The following LEPR variants were observed in gnomAD, a reference collection of about 807,000 sequenced individuals.
LEPR encodes OB receptor.
In LEPR, 56 loss-of-function variants were observed where a neutral mutation model predicts 114.7. That is an observed-to-expected ratio of 0.49 (90% confidence interval 0.39 to 0.61). The LOEUF is 0.61. Ranked by LOEUF, LEPR falls within the 20% of genes least tolerant of loss-of-function variation. LEPR has a pLI of 0.00. For synonymous variants in LEPR, 443 were observed against 461.4 expected, an observed-to-expected ratio of 0.96 and a Z score of 0.51; for missense variants, 1,202 against 1,352.9, an observed-to-expected ratio of 0.89 and a Z score of 1.75.
At chr1:65,432,724 AT>A (rs771686222) in intron 2 of LEPR, 205 of 779,676 alleles carry the variant, frequency 2.6e-4, no homozygotes, top group East Asian at 3.8e-4. Flanking sequence ...AATAAGTGTG[AT>A]TTTTTTTTAA....
intron 2 of LEPR, chr1:65,432,885 A>G (rs1243220909): frequency 1.2e-6 from 1 of 869,038 alleles, no homozygotes; most frequent in Non-Finnish European, 1.4e-6. Flanking sequence ...ATATTCAAAA[A>G]TCATAAAACC....
chr1:65,570,056 T>A (rs3790432), intron 3 of LEPR, among the ~76,000 whole-genome samples: 32,675 of 152,170 alleles, frequency 0.21, 3,793 homozygotes, highest in South Asian at 0.29. Flanking sequence ...CTTTAATGTT[T>A]GTTTATATAA....
At chr1:65,548,231 T>A (rs1651941840) in intron 2 of LEPR, among the ~76,000 whole-genome samples, 1 of 152,156 alleles carries the variant, frequency 6.6e-6, no homozygotes, top group South Asian at 2.1e-4. Flanking sequence ...CTTCCAACCA[T>A]GTGGTCAATT....
chr1:65,637,281 A>G lies in LEPR; in HGVS notation c.*266A>G. 2.9e-6 allele frequency: 1 copy of G among 349,502 alleles called. No individual in the cohort carries two copies. The highest frequency in any genetic ancestry group is 4.1e-5 in the Admixed American group (1 of 24,124). 21.7% of individuals were successfully genotyped at this position (349,502 alleles called of 1,614,324 possible). ...CTTGTTTCCAGCTAGAAATAAGCCCAACAGACACCATCTTTTGTGAGATGT... is the reference window on the plus strand; with the variant it reads ...CTTGTTTCCAGCTAGAAATAAGCCCGACAGACACCATCTTTTGTGAGATGT... On this transcript the variant is annotated 3_prime_UTR_variant, in exon 20 of 20. Coordinates refer to ENST00000349533, the MANE Select transcript of LEPR (RefSeq NM_002303.6).
intron 19 of LEPR, chr1:65,634,861 A>G (rs1658659537): frequency 1.1e-6 from 1 of 873,744 alleles, no homozygotes; most frequent in South Asian, 5.3e-5. Flanking sequence ...AATGTATAAA[A>G]CCATAGATTT....
chr1:65,591,001 A>G lies in LEPR; in HGVS notation c.495-1656A>G, dbSNP rs548736185. Among the ~76,000 whole-genome samples, 14 of 152,110 alleles carry G rather than the reference A, an allele frequency of 9.2e-5. 1 individual carries two copies. The South Asian group carries it at 2.9e-3, about 32-fold the overall frequency. On this transcript the variant is annotated intron_variant, in intron 5 of 19. Coordinates refer to ENST00000349533, the MANE Select transcript of LEPR (RefSeq NM_002303.6). The stretch of plus-strand genomic sequence containing the variant: ...TTTAGTGTTAAACACATTTCCCTGG[A>G]ATTATTGCTGTAAGCAATATCCTAC...
intron 12 of LEPR, among the ~76,000 whole-genome samples, chr1:65,609,186 A>G (rs1342890393): frequency 1.3e-5 from 2 of 152,232 alleles, no homozygotes; most frequent in Non-Finnish European, 2.9e-5. Context: ...GTATCACTGT[A>G]TCTTCCTTGT....
At chr1:65,476,853 A>G (rs1428521282) in intron 2 of LEPR, among the ~76,000 whole-genome samples, 1 of 152,252 alleles carries the variant, frequency 6.6e-6, no homozygotes, top group African/African-American at 2.4e-5. Flanking sequence ...CTTTTTGAGC[A>G]TAGAACTTAA....
chr1:65,452,948 A>G (rs1454196936), intron 2 of LEPR, among the ~76,000 whole-genome samples: 1 of 152,194 alleles, frequency 6.6e-6, no homozygotes, highest in Non-Finnish European at 1.5e-5. Context: ...TTGTTGCCAC[A>G]ATTTCAGATC....
chr1:65,443,490 GAT>G (rs1277654905), intron 2 of LEPR, among the ~76,000 whole-genome samples: 1 of 151,030 alleles, frequency 6.6e-6, no homozygotes, highest in African/African-American at 2.4e-5. Flanking sequence ...ATGTTATAAA[GAT>G]GTGCAATACT....
Position 65,530,185 on chromosome 1 carries a change from G to A in LEPR, c.-20-35361G>A, listed in dbSNP as rs1483689256. Among the ~76,000 whole-genome samples the A allele has an allele frequency of 4.6e-5, 7 of 152,254 alleles. No homozygotes were observed. The South Asian group carries it at 1.5e-3, about 32-fold the overall frequency. ...TCATCTCCATCTTTCAAGTTAGTTAGGCCCCAAACCTTGGAGTCATCTTCG... is the reference window on the plus strand; with the variant it reads ...TCATCTCCATCTTTCAAGTTAGTTAAGCCCCAAACCTTGGAGTCATCTTCG... On this transcript the variant is annotated intron_variant, in intron 2 of 19. Coordinates refer to ENST00000349533, the MANE Select transcript of LEPR (RefSeq NM_002303.6).
chr1:65,445,637 G>GTTT (rs564650668), intron 2 of LEPR, among the ~76,000 whole-genome samples: 5 of 146,436 alleles, frequency 3.4e-5, no homozygotes, highest in Non-Finnish European at 4.5e-5. Flanking sequence ...ACTGAATAGA[G>GTTT]TTTTTTTTTT....
intron 2 of LEPR, among the ~76,000 whole-genome samples, chr1:65,527,515 T>G (rs1010937008): frequency 2.6e-5 from 4 of 152,238 alleles, no homozygotes; most frequent in African/African-American, 9.6e-5. Context: ...TGTTGCTACT[T>G]CTAATGTTTT....
chr1:65,477,820 C>T (rs1268427680), intron 2 of LEPR, among the ~76,000 whole-genome samples: 1 of 152,166 alleles, frequency 6.6e-6, no homozygotes, highest in Non-Finnish European at 1.5e-5. Context: ...TTTCTCTCAC[C>T]CAGATTGCCT....
intron 2 of LEPR, among the ~76,000 whole-genome samples, chr1:65,502,466 CAGCAATTTTTAGTTACTGATTTAGTGACT>C (rs1406100111): frequency 2.0e-5 from 3 of 151,766 alleles, no homozygotes; most frequent in African/African-American, 7.3e-5. Flanking sequence ...CAAACGAATA[CAGCAATTTTTAGTTACTGATTTAGTGACT>C]AGTGTGGTCC....
intron 5 of LEPR, among the ~76,000 whole-genome samples, chr1:65,572,982 C>T (rs188480474): frequency 2.0e-4 from 31 of 152,318 alleles, no homozygotes; most frequent in African/African-American, 7.0e-4. Context: ...TGGGCATGAA[C>T]ATGAACCATG....
chr1:65,570,644 A>C lies in LEPR; in HGVS notation c.212A>C (p.Lys71Thr). 1 of 1,614,020 alleles carries C rather than the reference A, an allele frequency of 6.2e-7. No homozygotes were observed. Among genetic ancestry groups the C allele is most frequent in the Non-Finnish European group, 8.5e-7 (1 of 1,179,948 alleles). ...NGHYETAVEP[K>T]FNSSGTHFSN... ...CATTATGAGACAGCTGTTGAACCTA[A>C]GTTTAATTCAAGTGGTACTCACTTT... The change falls in exon 4 of 20, where the codon AAG (lysine) becomes ACG (threonine). Residue 71 changes from lysine (K) to threonine (T), a missense_variant. By Grantham distance (78) the Lys-to-Thr change is moderately conservative (BLOSUM62 -1). Transcript: ENST00000349533.
At chr1:65,437,079 T>A (rs987083536) in intron 2 of LEPR, among the ~76,000 whole-genome samples, 2 of 152,108 alleles carry the variant, frequency 1.3e-5, no homozygotes, top group African/African-American at 2.4e-5. Flanking sequence ...CCATTTGTGG[T>A]TCCTTGACAG....
At chr1:65,530,546 C>T (rs975721139) in intron 2 of LEPR, among the ~76,000 whole-genome samples, 1 of 152,158 alleles carries the variant, frequency 6.6e-6, no homozygotes, top group African/African-American at 2.4e-5. Context: ...ATTCATGCCT[C>T]CCCTTTTTAG....
Sources: gnomAD v4.1 joint callset for allele counts (sites outside exome capture counted in the v4.1 genomes callset) on GRCh38, gnomAD v4.1.1 for gene constraint, MANE v1.5 for transcripts, NCBI Gene and HGNC (gene_info 2026-07-23, HGNC 2026-07-21) for gene names.